The following MDGA2 variants were observed in gnomAD, a reference collection of about 807,000 sequenced individuals.
MDGA2 encodes MAM domain containing glycosylphosphatidylinositol anchor 2.
In MDGA2, 40 loss-of-function variants were observed where a neutral mutation model predicts 117.8. That is an observed-to-expected ratio of 0.34 (90% CI 0.26 to 0.44). The LOEUF (loss-of-function observed/expected upper bound fraction) is 0.44. Among genes scored for constraint, MDGA2 ranks in the 20% least tolerant of loss-of-function variants. The probability of loss-of-function intolerance (pLI) is 1.00; values close to 1 mark genes in which losing one functional copy is unlikely to be tolerated. For synonymous variants in MDGA2, 452 were observed against 439.0 expected, an observed-to-expected ratio of 1.03 and a Z score of -0.37; for missense variants, 1,123 against 1,250.6, an observed-to-expected ratio of 0.90 and a Z score of 1.54.
chr14:47,534,651 A>T (rs961133949), intron 1 of MDGA2, among the ~76,000 whole-genome samples: 3 of 152,064 alleles, frequency 2.0e-5, no homozygotes, highest in African/African-American at 7.2e-5. Flanking sequence ...CCCCCTCCAC[A>T]TGTGGGGGTT....
chr14:47,171,977 G>C (rs1419796150), intron 3 of MDGA2, among the ~76,000 whole-genome samples: 2 of 152,142 alleles, frequency 1.3e-5, no homozygotes, highest in African/African-American at 4.8e-5. Context: ...TTAAAAAACG[G>C]TGCACCAGGA....
chr14:46,907,279 G>T (rs1883535715), intron 10 of MDGA2, among the ~76,000 whole-genome samples: 1 of 151,994 alleles, frequency 6.6e-6, no homozygotes, highest in Non-Finnish European at 1.5e-5. Context: ...CACCTGGACT[G>T]CTTGTCTTGC....
intron 10 of MDGA2, among the ~76,000 whole-genome samples, chr14:46,917,307 T>A (rs1307184939): frequency 6.6e-6 from 1 of 152,216 alleles, no homozygotes; most frequent in Non-Finnish European, 1.5e-5. Flanking sequence ...TTTTAAAAAA[T>A]CTGTATACAA....
intron 1 of MDGA2, among the ~76,000 whole-genome samples, chr14:47,313,346 C>G (rs12897264): frequency 0.15 from 22,422 of 152,098 alleles, 1,865 homozygotes; most frequent in Middle Eastern, 0.22. Context: ...TACCTTGGCT[C>G]ACTGCAGACT....
chr14:47,174,394 G>A (rs189165782), intron 3 of MDGA2, among the ~76,000 whole-genome samples: 1 of 152,040 alleles, frequency 6.6e-6, no homozygotes, highest in Admixed American at 6.6e-5. Context: ...CCACATAGTT[G>A]GAAGTAAAGA....
At chr14:47,040,838 G>C (rs1220294795) in intron 7 of MDGA2, among the ~76,000 whole-genome samples, 1 of 152,144 alleles carries the variant, frequency 6.6e-6, no homozygotes, top group Non-Finnish European at 1.5e-5. Context: ...TCCCTGACCA[G>C]GCAGCTCCTT....
intron 1 of MDGA2, among the ~76,000 whole-genome samples, chr14:47,559,800 T>C (rs1414507211): frequency 3.9e-5 from 6 of 152,090 alleles, no homozygotes; most frequent in African/African-American, 1.4e-4. Flanking sequence ...CTCAAACTCC[T>C]GACCTCAGGT....
intron 8 of MDGA2, among the ~76,000 whole-genome samples, chr14:47,008,885 G>A: frequency 6.6e-6 from 1 of 151,830 alleles, no homozygotes; most frequent in Non-Finnish European, 1.5e-5. Flanking sequence ...TCATTCAAAT[G>A]TTTATTTCTC....
intron 1 of MDGA2, among the ~76,000 whole-genome samples, chr14:47,561,141 G>GTTTTT: frequency 1.9e-5 from 1 of 52,150 alleles, no homozygotes; most frequent in East Asian, 2.0e-3. Flanking sequence ...CTCTATCTTT[G>GTTTTT]TTTTTTTTTT....
intron 1 of MDGA2, among the ~76,000 whole-genome samples, chr14:47,613,641 A>ATATGT (rs1167000629): frequency 5.9e-5 from 9 of 152,124 alleles, no homozygotes; most frequent in African/African-American, 2.2e-4. Context: ...TATGGATTTA[A>ATATGT]TATGTTATCT....
intron 1 of MDGA2, among the ~76,000 whole-genome samples, chr14:47,524,434 T>C (rs1185002335): frequency 1.3e-5 from 2 of 152,170 alleles, no homozygotes; most frequent in Non-Finnish European, 2.9e-5. Context: ...AAATGAAAGA[T>C]AATTTAAGAT....
At chr14:47,569,251 GTT>G (rs1191938940) in intron 1 of MDGA2, among the ~76,000 whole-genome samples, 2 of 152,154 alleles carry the variant, frequency 1.3e-5, no homozygotes, top group Admixed American at 6.5e-5. Flanking sequence ...AATAATATGT[GTT>G]TTTAGTGTCC....
At chr14:47,057,317 A>G (rs1167370710) in intron 7 of MDGA2, among the ~76,000 whole-genome samples, 1 of 152,100 alleles carries the variant, frequency 6.6e-6, no homozygotes, top group African/African-American at 2.4e-5. Flanking sequence ...GTATGCAACC[A>G]CTATATATTG....
At chr14:47,325,308 A>G (rs1890111726) in intron 1 of MDGA2, among the ~76,000 whole-genome samples, 1 of 152,156 alleles carries the variant, frequency 6.6e-6, no homozygotes, top group South Asian at 2.1e-4. Flanking sequence ...AGATATCACA[A>G]CCATGAGGGA....
intron 3 of MDGA2, among the ~76,000 whole-genome samples, chr14:47,186,051 G>T (rs1566671395): frequency 6.6e-6 from 1 of 151,198 alleles, no homozygotes; most frequent in African/African-American, 2.4e-5. Context: ...AGATAAAAAA[G>T]AAGAAGAAAA....
At chr14:47,448,135 AT>A (rs35788976) in intron 1 of MDGA2, among the ~76,000 whole-genome samples, 96,042 of 143,620 alleles carry the variant, frequency 0.67, 32,567 homozygotes, top group African/African-American at 0.78. Context: ...TTATTTATTT[AT>A]TTTATTTTAT....
chr14:47,179,785 T>C (rs1451732250), intron 3 of MDGA2, among the ~76,000 whole-genome samples: 1 of 152,124 alleles, frequency 6.6e-6, no homozygotes, highest in East Asian at 1.9e-4. Context: ...CACCAAAATA[T>C]TCTATTGGAG....
intron 7 of MDGA2, among the ~76,000 whole-genome samples, chr14:47,038,425 A>G (rs1441587347): frequency 6.6e-6 from 1 of 152,198 alleles, no homozygotes; most frequent in East Asian, 1.9e-4. Flanking sequence ...ATTATTGACT[A>G]TAATTTTTTT....
At chr14:47,470,144 C>G (rs1442310914) in intron 1 of MDGA2, among the ~76,000 whole-genome samples, 3 of 147,570 alleles carry the variant, frequency 2.0e-5, no homozygotes, top group Non-Finnish European at 4.5e-5. Context: ...GCTTTCAATT[C>G]TGGGTTACAA....
Sources: allele counts gnomAD v4.1 joint callset (sites outside exome capture counted in the v4.1 genomes callset), GRCh38; gene constraint gnomAD v4.1.1; transcripts MANE v1.5; gene names NCBI Gene and HGNC (gene_info 2026-07-23, HGNC 2026-07-21).